Variants in PDE1A observed in about 807,000 individuals in gnomAD.
The protein encoded by PDE1A is phosphodiesterase 1A.
PDE1A carries 35 observed loss-of-function variants against 61.7 expected under a neutral mutation model. That is an observed-to-expected ratio of 0.57 (90% CI 0.43 to 0.75). PDE1A has a LOEUF of 0.75. Among genes scored for constraint, PDE1A ranks in the 30% least tolerant of loss-of-function variants. The pLI is 0.00. For missense variants in PDE1A, 597 were observed against 630.6 expected, an observed-to-expected ratio of 0.95 and a Z score of 0.57; for synonymous variants, 232 against 213.2, an observed-to-expected ratio of 1.09 and a Z score of -0.77.
At chr2:182,514,791 T>G (rs1690029798) in intron 2 of PDE1A, among the ~76,000 whole-genome samples, 1 of 152,066 alleles carries the variant, frequency 6.6e-6, no homozygotes, top group South Asian at 2.1e-4. Context: ...CCAAAAGCAA[T>G]TGCAACAAAA....
exon 1 of PDE1A, chr2:182,426,677 C>T (rs1299257853): frequency 6.2e-7 from 1 of 1,612,068 alleles, no homozygotes; most frequent in Admixed American, 1.7e-5. Context: ...TCCAGAAACT[C>T]CAGAGAGGAA....
At chr2:182,320,643 G>A (rs1696640110) in intron 1 of PDE1A, among the ~76,000 whole-genome samples, 1 of 152,062 alleles carries the variant, frequency 6.6e-6, no homozygotes, top group African/African-American at 2.4e-5. Flanking sequence ...AATACAACCA[G>A]CTTTTTGAAA....
At chr2:182,478,028 A>G (rs996051400) in intron 2 of PDE1A, among the ~76,000 whole-genome samples, 15 of 151,922 alleles carry the variant, frequency 9.9e-5, no homozygotes, top group African/African-American at 3.6e-4. Flanking sequence ...GTCAACATGG[A>G]GTAGAGCTGA....
the PDE1A span, among the ~76,000 whole-genome samples, chr2:182,650,980 G>A: frequency 6.6e-6 from 1 of 151,996 alleles, no homozygotes; most frequent in Admixed American, 6.6e-5. Flanking sequence ...TCTTATTTGT[G>A]TTTTGTTTTT....
At chr2:182,598,562 C>CAA in the PDE1A span, among the ~76,000 whole-genome samples, 562 of 129,424 alleles carry the variant, frequency 4.3e-3, 1 homozygote, top group African/African-American at 0.013. Context: ...AACTCTGTCT[C>CAA]AAAAAAAAAA....
chr2:182,455,470 C>T (rs1337583653), intron 2 of PDE1A, among the ~76,000 whole-genome samples: 19 of 152,080 alleles, frequency 1.2e-4, no homozygotes, highest in African/African-American at 2.9e-4. Context: ...ATGTTTATTG[C>T]GGCACTATTC....
chr2:182,186,693 C>A (rs868013112), intron 11 of PDE1A, 105 bp from the exon 12 acceptor site: 20 of 1,100,504 alleles, frequency 1.8e-5, no homozygotes, highest in Middle Eastern at 5.7e-4. Flanking sequence ...CCTGGGATAG[C>A]AAGAATCAAC....
At chr2:182,144,655 C>T (rs1403242989), downstream of PDE1A, among the ~76,000 whole-genome samples, 3 of 152,100 alleles carry the variant, frequency 2.0e-5, no homozygotes, top group African/African-American at 7.2e-5. Flanking sequence ...GGCCAGGCTG[C>T]GATAACATCT....
chr2:182,386,345 A>G (rs1013616360), intron 1 of PDE1A, among the ~76,000 whole-genome samples: 4 of 142,794 alleles, frequency 2.8e-5, no homozygotes, highest in African/African-American at 1.1e-4. Flanking sequence ...CCGGCTGCCC[A>G]GTCTGGGAAG....
At chr2:182,675,739 A>G in the PDE1A span, among the ~76,000 whole-genome samples, 1 of 152,054 alleles carries the variant, frequency 6.6e-6, no homozygotes, top group Admixed American at 6.6e-5. Context: ...ATACTTGTTG[A>G]TCACATGCAT....
the PDE1A span, among the ~76,000 whole-genome samples, chr2:182,615,743 T>C: frequency 2.0e-5 from 3 of 151,834 alleles, no homozygotes; most frequent in Non-Finnish European, 4.4e-5. Flanking sequence ...TGGTGGAAGG[T>C]AGAAGGGCAA....
the PDE1A span, among the ~76,000 whole-genome samples, chr2:182,592,643 A>T: frequency 6.6e-6 from 1 of 152,200 alleles, no homozygotes; most frequent in Non-Finnish European, 1.5e-5. Context: ...ATACAGGAAA[A>T]AAAATAAGGA....
At chr2:182,359,048 C>T (rs1218210756) in intron 1 of PDE1A, among the ~76,000 whole-genome samples, 1 of 151,696 alleles carries the variant, frequency 6.6e-6, no homozygotes, top group Non-Finnish European at 1.5e-5. Context: ...TCTGACTTTA[C>T]AATACTTACT....
the PDE1A span, among the ~76,000 whole-genome samples, chr2:182,711,402 T>C: frequency 1.3e-5 from 2 of 152,138 alleles, no homozygotes. Context: ...ACCTGTGATA[T>C]TACATTGCAA....
chr2:182,434,405 C>A (rs567550094), intron 2 of PDE1A, among the ~76,000 whole-genome samples: 26 of 152,176 alleles, frequency 1.7e-4, no homozygotes, highest in African/African-American at 5.8e-4. Flanking sequence ...TTATAAAGAA[C>A]AGAAACTCAT....
At chr2:182,188,018 C>T (rs1438423161) in intron 11 of PDE1A, among the ~76,000 whole-genome samples, 1 of 152,156 alleles carries the variant, frequency 6.6e-6, no homozygotes, top group Non-Finnish European at 1.5e-5. Context: ...GCTGGGATTA[C>T]AGGCATAAGC....
rs1219608685 is a variant in PDE1A at position 182,451,378 on chromosome 2, C to CAAAAAAAAAAAAAAA, written c.101+70883_101+70897dup. Among the ~76,000 whole-genome samples the CAAAAAAAAAAAAAAA allele has an allele frequency of 8.6e-3, 105 of 12,258 alleles. 7 individuals carry two copies. Among genetic ancestry groups the CAAAAAAAAAAAAAAA allele is most frequent in the South Asian group, 0.019 (2 of 106 alleles). 8.0% of individuals were successfully genotyped at this position (12,258 alleles called of 152,430 possible). Reference sequence around the variant, plus strand: ...TGGGCGACAGAGCGAGACTCCGTCTCAAAAAAAAAAAAAAAAAAAAATATT... The same window carrying CAAAAAAAAAAAAAAA: ...TGGGCGACAGAGCGAGACTCCGTCTCAAAAAAAAAAAAAAAAAAAAAAAAAAAAAAAAAAAATATT... On this transcript the variant is annotated intron_variant, in intron 2 of 14. Coordinates refer to the PDE1A transcript ENST00000410103.
intron 6 of PDE1A, among the ~76,000 whole-genome samples, chr2:182,227,556 A>C (rs558997362): frequency 6.6e-6 from 1 of 152,210 alleles, no homozygotes; most frequent in African/African-American, 2.4e-5. Context: ...TATTACAATT[A>C]ATTAATTAAG....
chr2:182,189,775 C>T (rs189372696), intron 10 of PDE1A, among the ~76,000 whole-genome samples: 66 of 152,292 alleles, frequency 4.3e-4, no homozygotes, highest in Admixed American at 7.2e-4. Flanking sequence ...GGTTGCTGTT[C>T]TGGTCAAACC....
Sources: gnomAD v4.1 joint callset for allele counts (sites outside exome capture counted in the v4.1 genomes callset) on GRCh38, gnomAD v4.1.1 for gene constraint, MANE v1.5 for transcripts, NCBI Gene and HGNC (gene_info 2026-07-23, HGNC 2026-07-21) for gene names.